Variants in CALN1 observed in about 807,000 individuals in gnomAD.
CALN1 encodes the protein calneuron 1, also known as calcium-binding protein 8.
Under a neutral mutation model 30.6 loss-of-function variants are expected in CALN1, and 17 were observed. That is an observed-to-expected ratio of 0.56 (90% CI 0.38 to 0.83). The LOEUF (loss-of-function observed/expected upper bound fraction) is 0.83, where lower values mean the gene tolerates loss of function less well. CALN1 is among the 40% of genes least tolerant of loss of function. The probability of loss-of-function intolerance (pLI) is 0.00; values close to 1 mark genes in which losing one functional copy is unlikely to be tolerated. For synonymous variants in CALN1, 156 were observed against 131.4 expected (o/e 1.19, Z -1.28); for missense variants, 291 against 354.9 (o/e 0.82, Z 1.45).
At chr7:71,821,715 G>GA (rs1023592942) in intron 5 of CALN1, among the ~76,000 whole-genome samples, 14 of 151,240 alleles carry the variant, frequency 9.3e-5, no homozygotes, top group African/African-American at 2.9e-4. Context: ...ATGTCTTTTG[G>GA]AAAAAAATCT....
intron 5 of CALN1, among the ~76,000 whole-genome samples, chr7:71,971,953 A>AAAAAGAAAGAAAGAAAGAAAG (rs1797839188): frequency 6.9e-5 from 5 of 72,812 alleles, no homozygotes; most frequent in African/African-American, 3.5e-4. Context: ...AAAAAAAAAA[A>AAAAAGAAAGAAAGAAAGAAAG]AAAGAAAGAA....
At chr7:72,354,149 T>C (rs899390896) in intron 2 of CALN1, among the ~76,000 whole-genome samples, 2 of 152,164 alleles carry the variant, frequency 1.3e-5, no homozygotes, top group Non-Finnish European at 2.9e-5. Context: ...ATTGTGCCAC[T>C]GCACTCCAGC....
At chr7:72,128,528 G>A (rs970295949) in intron 3 of CALN1, among the ~76,000 whole-genome samples, 1 of 152,108 alleles carries the variant, frequency 6.6e-6, no homozygotes, top group African/African-American at 2.4e-5. Context: ...GAATAAGGGA[G>A]GAAACACGAA....
chr7:72,151,538 C>A (rs184550896), intron 3 of CALN1, among the ~76,000 whole-genome samples: 14 of 152,266 alleles, frequency 9.2e-5, no homozygotes, highest in Non-Finnish European at 1.8e-4. Flanking sequence ...CCGTAATAGA[C>A]CCACACGTCA....
chr7:72,048,311 T>C (rs1038369810), intron 4 of CALN1, among the ~76,000 whole-genome samples: 1 of 152,160 alleles, frequency 6.6e-6, no homozygotes, highest in Non-Finnish European at 1.5e-5. Flanking sequence ...AATGCTGGGA[T>C]TACAGGCGTG....
At chr7:72,114,397 C>T (rs1807819249) in intron 3 of CALN1, among the ~76,000 whole-genome samples, 1 of 150,686 alleles carries the variant, frequency 6.6e-6, no homozygotes, top group Non-Finnish European at 1.5e-5. Context: ...TGAGGTTTGG[C>T]CACACTGAGG....
intron 4 of CALN1, among the ~76,000 whole-genome samples, chr7:72,076,562 C>T (rs989227719): frequency 2.3e-5 from 3 of 132,692 alleles, no homozygotes; most frequent in African/African-American, 5.7e-5. Flanking sequence ...CACGCCACTG[C>T]ACTCTGGCCT....
At chr7:72,035,276 A>C (rs574850482) in intron 4 of CALN1, among the ~76,000 whole-genome samples, 1 of 151,922 alleles carries the variant, frequency 6.6e-6, no homozygotes, top group African/African-American at 2.4e-5. Flanking sequence ...ATAGCTCCTC[A>C]TTCCCCCTAC....
chr7:72,324,334 A>G (rs1801110739), intron 2 of CALN1, among the ~76,000 whole-genome samples: 1 of 152,080 alleles, frequency 6.6e-6, no homozygotes, highest in African/African-American at 2.4e-5. Flanking sequence ...CTGTTTCCTG[A>G]AAAAGCATCA....
intron 1 of CALN1, among the ~76,000 whole-genome samples, chr7:72,405,791 G>A (rs1806655544): frequency 6.6e-6 from 1 of 152,164 alleles, no homozygotes; most frequent in Admixed American, 6.5e-5. Context: ...CATGGAAGTT[G>A]TGATTGGTGG....
chr7:72,370,800 A>C (rs192622588), intron 2 of CALN1, among the ~76,000 whole-genome samples: 1 of 152,134 alleles, frequency 6.6e-6, no homozygotes, highest in African/African-American at 2.4e-5. Context: ...TAATCCCAGC[A>C]CTTTGGGAGG....
intron 2 of CALN1, among the ~76,000 whole-genome samples, chr7:72,347,694 G>A (rs1473155485): frequency 3.3e-5 from 5 of 152,152 alleles, no homozygotes; most frequent in African/African-American, 9.7e-5. Context: ...ACAATCATTG[G>A]TATCATCTTT....
intron 5 of CALN1, among the ~76,000 whole-genome samples, chr7:71,833,636 T>C (rs574694801): frequency 1.4e-5 from 2 of 145,962 alleles, no homozygotes; most frequent in Non-Finnish European, 3.1e-5. Context: ...CGAGGCACAG[T>C]GATGAATGCC....
At chr7:72,359,802 C>T (rs1045753122) in intron 2 of CALN1, among the ~76,000 whole-genome samples, 1 of 151,702 alleles carries the variant, frequency 6.6e-6, no homozygotes, top group Non-Finnish European at 1.5e-5. Flanking sequence ...GGTGAATCCC[C>T]GTCTCTACTA....
chr7:72,155,677 G>C (rs775582194), intron 3 of CALN1, among the ~76,000 whole-genome samples: 1 of 152,044 alleles, frequency 6.6e-6, no homozygotes, highest in Middle Eastern at 3.2e-3. Flanking sequence ...CCAACCAAGG[G>C]GCAATATATT....
chr7:72,182,580 C>T (rs981071798), intron 3 of CALN1, among the ~76,000 whole-genome samples: 6 of 151,966 alleles, frequency 3.9e-5, no homozygotes, highest in Non-Finnish European at 5.9e-5. Context: ...ATTAGTTAGA[C>T]GTGGTGGCAC....
At chr7:72,064,755 T>C in intron 4 of CALN1, among the ~76,000 whole-genome samples, 1 of 152,130 alleles carries the variant, frequency 6.6e-6, no homozygotes, top group East Asian at 1.9e-4. Context: ...ATAATACATA[T>C]ATTCCAAAAT....
intron 4 of CALN1, among the ~76,000 whole-genome samples, chr7:72,069,611 G>A (rs1323539700): frequency 1.3e-5 from 2 of 152,114 alleles, no homozygotes; most frequent in Admixed American, 1.3e-4. Flanking sequence ...CTCCCTTGCA[G>A]AGGGATACAG....
At chr7:72,222,001 G>C (rs561181841) in intron 3 of CALN1, among the ~76,000 whole-genome samples, 3 of 151,980 alleles carry the variant, frequency 2.0e-5, no homozygotes, top group African/African-American at 7.2e-5. Context: ...CAAGGCGGGC[G>C]GATCATTTGG....
Sources: gnomAD v4.1 joint callset for allele counts (sites outside exome capture counted in the v4.1 genomes callset) on GRCh38, gnomAD v4.1.1 for gene constraint, MANE v1.5 for transcripts, NCBI Gene and HGNC (gene_info 2026-07-23, HGNC 2026-07-21) for gene names.